The following CACNB2 variants were observed in gnomAD, a reference collection of about 807,000 sequenced individuals.
CACNB2 encodes voltage-dependent L-type calcium channel subunit beta-2.
CACNB2 carries 42 observed loss-of-function variants against 73.3 expected under a neutral mutation model. The ratio of observed to expected loss-of-function variants is 0.57; its 90% CI spans 0.45 to 0.74. The LOEUF (loss-of-function observed/expected upper bound fraction) is 0.74. Among genes scored for constraint, CACNB2 ranks in the 30% least tolerant of loss-of-function variants. CACNB2 has a pLI of 0.00. For synonymous variants in CACNB2, 348 were observed against 310.3 expected (o/e 1.12, Z -1.28); for missense variants, 940 against 853.0 (o/e 1.10, Z -1.27).
Position 18,353,662 on chromosome 10 carries a change from A to G in CACNB2, c.214-48262A>G, listed in dbSNP as rs561991846. The stretch of plus-strand genomic sequence containing the variant: ...CACATGGTTGATAAGAAAGAATACA[A>G]TATTCCAGGGGTTATGAACTATTAG... On this transcript the variant is annotated intron_variant, in intron 2 of 13. Transcript: ENST00000324631. Among the ~76,000 whole-genome samples, 11 of 152,318 alleles carry G rather than the reference A, an allele frequency of 7.2e-5. No homozygotes were observed. The East Asian group carries it at 9.6e-4, about 13-fold the overall frequency.
chr10:18,482,177 A>G (rs1010684932), intron 3 of CACNB2, among the ~76,000 whole-genome samples: 1 of 152,178 alleles, frequency 6.6e-6, no homozygotes, highest in African/African-American at 2.4e-5. Context: ...AGTGTGAGCC[A>G]CCACACCTTA....
chr10:18,526,315 CCTTT>C (rs1374408966), intron 9 of CACNB2, among the ~76,000 whole-genome samples: 2 of 152,186 alleles, frequency 1.3e-5, no homozygotes, highest in Non-Finnish European at 2.9e-5. Context: ...CATTCAGAAT[CCTTT>C]CTTTTCCATC....
chr10:18,198,354 C>G (rs1025093782), intron 2 of CACNB2, among the ~76,000 whole-genome samples: 1 of 151,776 alleles, frequency 6.6e-6, no homozygotes, highest in Non-Finnish European at 1.5e-5. Flanking sequence ...AAGCTCATAC[C>G]GGGGGCACCT....
intron 3 of CACNB2, among the ~76,000 whole-genome samples, chr10:18,496,426 T>G (rs1003089509): frequency 2.0e-5 from 3 of 152,084 alleles, no homozygotes; most frequent in Admixed American, 2.0e-4. Context: ...CTACTCCAAC[T>G]CCCCTGTGTC....
intron 3 of CACNB2, among the ~76,000 whole-genome samples, chr10:18,438,688 G>C (rs1433748139): frequency 6.6e-6 from 1 of 152,200 alleles, no homozygotes; most frequent in African/African-American, 2.4e-5. Context: ...TAGAGCATTC[G>C]GATTTATATA....
intron 2 of CACNB2, among the ~76,000 whole-genome samples, chr10:18,334,283 A>G (rs906695003): frequency 5.3e-5 from 8 of 152,104 alleles, no homozygotes; most frequent in African/African-American, 9.7e-5. Flanking sequence ...TCCATCTGCA[A>G]TCTGACACCC....
intron 3 of CACNB2, among the ~76,000 whole-genome samples, chr10:18,479,821 A>G (rs923278932): frequency 6.6e-6 from 1 of 152,230 alleles, no homozygotes; most frequent in African/African-American, 2.4e-5. Flanking sequence ...AACTGAATCA[A>G]CTAAACCTCT....
intron 2 of CACNB2, among the ~76,000 whole-genome samples, chr10:18,340,259 G>C (rs1253698222): frequency 6.6e-6 from 1 of 152,090 alleles, no homozygotes; most frequent in South Asian, 2.1e-4. Context: ...ATATAAAGAA[G>C]TTTTTAATTT....
intron 3 of CACNB2, among the ~76,000 whole-genome samples, chr10:18,485,367 A>G (rs2049001303): frequency 6.6e-6 from 1 of 152,136 alleles, no homozygotes; most frequent in African/African-American, 2.4e-5. Context: ...TCCTGTAAGT[A>G]TAGTCAGTAC....
chr10:18,391,920 C>G (rs1367176673), intron 2 of CACNB2, among the ~76,000 whole-genome samples: 1 of 89,484 alleles, frequency 1.1e-5, no homozygotes, highest in Non-Finnish European at 2.2e-5. Context: ...AGAGTAAGAC[C>G]CTGTCAAAAA....
intron 2 of CACNB2, among the ~76,000 whole-genome samples, chr10:18,286,517 CAAAAAAAAAAAAAAAAAAA>C (rs770589594): frequency 3.5e-5 from 2 of 57,352 alleles, no homozygotes; most frequent in African/African-American, 5.4e-5. Flanking sequence ...GATTCTGTCT[CAAAAAAAAAAAAAAAAAAA>C]AAAAAAAAAA....
chr10:18,500,674 C>A, intron 4 of CACNB2, 138 bp from the exon 5 acceptor site: 1 of 872,708 alleles, frequency 1.1e-6, no homozygotes, highest in Non-Finnish European at 1.9e-6. Flanking sequence ...ACCCATGAGC[C>A]GAAGGGTTTC....
intron 2 of CACNB2, among the ~76,000 whole-genome samples, chr10:18,346,802 A>G (rs573661054): frequency 2.0e-5 from 3 of 151,696 alleles, no homozygotes; most frequent in Non-Finnish European, 4.4e-5. Flanking sequence ...TCACTTTGTT[A>G]CCCAGGCTGG....
intron 2 of CACNB2, among the ~76,000 whole-genome samples, chr10:18,186,665 T>C (rs1042708715): frequency 7.2e-5 from 11 of 151,928 alleles, no homozygotes; most frequent in African/African-American, 2.7e-4. Context: ...AAAGACCAGA[T>C]TTCATGAGAA....
intron 2 of CACNB2, among the ~76,000 whole-genome samples, chr10:18,186,523 G>T (rs1165233751): frequency 6.6e-6 from 1 of 152,154 alleles, no homozygotes; most frequent in African/African-American, 2.4e-5. Context: ...GCATGATGCT[G>T]GCATCTCCTC....
intron 2 of CACNB2, among the ~76,000 whole-genome samples, chr10:18,169,895 G>C (rs2033112332): frequency 6.6e-6 from 1 of 152,218 alleles, no homozygotes; most frequent in South Asian, 2.1e-4. Flanking sequence ...TGTAACTGCA[G>C]AGCCCAGTTG....
chr10:18,269,591 A>G (rs901187421), intron 2 of CACNB2, among the ~76,000 whole-genome samples: 4 of 152,224 alleles, frequency 2.6e-5, no homozygotes, highest in African/African-American at 4.8e-5. Context: ...TTTTCTGCAC[A>G]TACGCTGATA....
chr10:18,484,164 C>T (rs1034031792), intron 3 of CACNB2, among the ~76,000 whole-genome samples: 5 of 152,136 alleles, frequency 3.3e-5, no homozygotes, highest in Non-Finnish European at 5.9e-5. Flanking sequence ...AAGGCCAAGG[C>T]GGGCAGATCA....
intron 2 of CACNB2, among the ~76,000 whole-genome samples, chr10:18,370,857 A>T (rs953997768): frequency 6.6e-6 from 1 of 152,192 alleles, no homozygotes; most frequent in African/African-American, 2.4e-5. Context: ...AGATACACAC[A>T]TATGTGTATA....
Sources: allele counts gnomAD v4.1 joint callset (sites outside exome capture counted in the v4.1 genomes callset), GRCh38; gene constraint gnomAD v4.1.1; transcripts MANE v1.5; gene names NCBI Gene and HGNC (gene_info 2026-07-23, HGNC 2026-07-21).